Variants in PRELID2 observed in about 807,000 individuals in gnomAD.
The protein encoded by PRELID2 is PRELI domain containing 2.
PRELID2 carries 25 observed loss-of-function variants against 28.4 expected under a neutral mutation model. That is an observed-to-expected ratio of 0.88 (90% CI 0.64 to 1.23). The LOEUF (loss-of-function observed/expected upper bound fraction) is 1.23. PRELID2 is among the 50% of genes most tolerant of loss of function. PRELID2 has a pLI of 0.00. For missense variants in PRELID2, 201 were observed against 214.4 expected (o/e 0.94, Z 0.39); for synonymous variants, 76 against 71.6 (o/e 1.06, Z -0.31).
chr5:145,603,240 AG>A (rs1753424518), intron 1 of PRELID2, among the ~76,000 whole-genome samples: 1 of 152,106 alleles, frequency 6.6e-6, no homozygotes, highest in African/African-American at 2.4e-5. Context: ...GATAAATAAA[AG>A]CTAAATAGAA....
intron 1 of PRELID2, among the ~76,000 whole-genome samples, chr5:145,673,060 C>T (rs907797644): frequency 6.6e-6 from 1 of 152,072 alleles, no homozygotes; most frequent in African/African-American, 2.4e-5. Context: ...GAAAAGCTCA[C>T]AGAAGGTCAG....
intron 1 of PRELID2, among the ~76,000 whole-genome samples, chr5:145,727,357 T>C (rs1195331802): frequency 6.6e-6 from 1 of 152,106 alleles, no homozygotes; most frequent in Non-Finnish European, 1.5e-5. Flanking sequence ...CTTCCACCCT[T>C]TAGCACAGAG....
chr5:145,372,736 G>A, the PRELID2 span, among the ~76,000 whole-genome samples: 1 of 150,712 alleles, frequency 6.6e-6, no homozygotes. Context: ...TAGCCTAGGT[G>A]GGTCTTTGCA....
intron 1 of PRELID2, among the ~76,000 whole-genome samples, chr5:145,724,018 A>T (rs946205090): frequency 1.3e-5 from 2 of 152,248 alleles, no homozygotes; most frequent in African/African-American, 4.8e-5. Flanking sequence ...TTTGTAATAA[A>T]GAATAAAGGA....
chr5:145,718,717 T>C (rs1036543523), intron 1 of PRELID2, among the ~76,000 whole-genome samples: 1 of 151,894 alleles, frequency 6.6e-6, no homozygotes, highest in Non-Finnish European at 1.5e-5. Flanking sequence ...AACACACTAG[T>C]GTGTTTGAAT....
At chr5:145,502,252 G>T (rs1252429079) in intron 1 of PRELID2, among the ~76,000 whole-genome samples, 2 of 151,982 alleles carry the variant, frequency 1.3e-5, no homozygotes, top group African/African-American at 4.8e-5. Flanking sequence ...AGAGAGGAGA[G>T]GTGCTACCTA....
intron 1 of PRELID2, among the ~76,000 whole-genome samples, chr5:145,497,988 T>C (rs980669058): frequency 5.3e-5 from 8 of 152,202 alleles, no homozygotes; most frequent in Non-Finnish European, 8.8e-5. Context: ...CCTTCACTAA[T>C]ACTCTCAATC....
intron 1 of PRELID2, among the ~76,000 whole-genome samples, chr5:145,714,719 C>T (rs1755796233): frequency 6.6e-6 from 1 of 152,088 alleles, no homozygotes. Flanking sequence ...TTGCCAAATC[C>T]AAACTCCCTT....
chr5:145,540,792 T>C (rs967700474), intron 1 of PRELID2, among the ~76,000 whole-genome samples: 2 of 151,722 alleles, frequency 1.3e-5, no homozygotes, highest in African/African-American at 2.4e-5. Flanking sequence ...TGGATTATGC[T>C]TGAAACCAGA....
At chr5:145,304,386 C>T in the PRELID2 span, among the ~76,000 whole-genome samples, 1 of 152,142 alleles carries the variant, frequency 6.6e-6, no homozygotes, top group Non-Finnish European at 1.5e-5. Flanking sequence ...TATAATCTCA[C>T]TTTCGAGAGA....
the PRELID2 span, among the ~76,000 whole-genome samples, chr5:145,359,476 A>T: frequency 1.3e-5 from 2 of 152,230 alleles, no homozygotes; most frequent in Non-Finnish European, 2.9e-5. Flanking sequence ...TTTCAACTAG[A>T]AAACAGAAAG....
the PRELID2 span, among the ~76,000 whole-genome samples, chr5:145,244,180 C>G: frequency 6.6e-6 from 1 of 152,074 alleles, no homozygotes; most frequent in Non-Finnish European, 1.5e-5. Flanking sequence ...GTCTTGAACT[C>G]CTGACTTCAA....
the PRELID2 span, among the ~76,000 whole-genome samples, chr5:145,407,768 AC>A: frequency 6.6e-6 from 1 of 152,152 alleles, no homozygotes; most frequent in Admixed American, 6.5e-5. Context: ...AGCTAATTCC[AC>A]CAACAACAAC....
chr5:145,562,843 C>T (rs1024640280), intron 1 of PRELID2, among the ~76,000 whole-genome samples: 30 of 151,942 alleles, frequency 2.0e-4, no homozygotes, highest in Non-Finnish European at 3.8e-4. Context: ...AAAATAAATA[C>T]ATAATTCTGG....
chr5:145,254,892 G>A, the PRELID2 span, among the ~76,000 whole-genome samples: 2 of 150,018 alleles, frequency 1.3e-5, no homozygotes, highest in South Asian at 2.1e-4. Context: ...TTCCTCCTAG[G>A]TAGTCAGAAC....
the PRELID2 span, among the ~76,000 whole-genome samples, chr5:145,359,331 C>T: frequency 6.6e-6 from 1 of 152,174 alleles, no homozygotes; most frequent in Non-Finnish European, 1.5e-5. Context: ...TCTATCACAG[C>T]TGCCCAATAA....
chr5:145,733,945 G>T (rs1348729190), intron 1 of PRELID2, among the ~76,000 whole-genome samples: 2 of 152,122 alleles, frequency 1.3e-5, no homozygotes, highest in African/African-American at 4.8e-5. Flanking sequence ...TAAAAGAGAA[G>T]TGGAGATCCA....
chr5:145,250,796 A>C, the PRELID2 span, among the ~76,000 whole-genome samples: 6 of 152,138 alleles, frequency 3.9e-5, no homozygotes, highest in Non-Finnish European at 5.9e-5. Flanking sequence ...AGCCAAACAA[A>C]AATAAAACAA....
the PRELID2 span, among the ~76,000 whole-genome samples, chr5:145,368,554 A>G: frequency 3.5e-4 from 53 of 152,040 alleles, no homozygotes; most frequent in African/African-American, 1.2e-3. Context: ...TATACTTAGT[A>G]TGTCTGAAAG....
Sources: allele counts gnomAD v4.1 joint callset (sites outside exome capture counted in the v4.1 genomes callset), GRCh38; gene constraint gnomAD v4.1.1; transcripts MANE v1.5; gene names NCBI Gene and HGNC (gene_info 2026-07-23, HGNC 2026-07-21).